Variants in MAGI2 observed in about 807,000 individuals in gnomAD.
MAGI2 encodes membrane-associated guanylate kinase, WW and PDZ domain-containing protein 2.
A neutral mutation model predicts 133.3 loss-of-function variants in MAGI2; 35 were observed. The observed-to-expected ratio is 0.26, with a 90% confidence interval of 0.20 to 0.35. The LOEUF (loss-of-function observed/expected upper bound fraction) is 0.35, where lower values mean the gene tolerates loss of function less well. Among genes scored for constraint, MAGI2 ranks in the 10% least tolerant of loss-of-function variants. The pLI, the probability that MAGI2 is intolerant of heterozygous loss-of-function variation, is 1.00. For missense variants in MAGI2, 1,636 were observed against 1,863.4 expected (o/e 0.88, Z 2.25); for synonymous variants, 729 against 710.6 (o/e 1.03, Z -0.41).
chr7:78,545,742 A>G (rs62468613), intron 3 of MAGI2, among the ~76,000 whole-genome samples: 10,256 of 152,282 alleles, frequency 0.067, 437 homozygotes, highest in Non-Finnish European at 0.1. Context: ...TTTGTGTAGA[A>G]CATATTGATA....
intron 1 of MAGI2, among the ~76,000 whole-genome samples, chr7:79,204,135 C>T (rs1049585029): frequency 2.0e-5 from 3 of 152,108 alleles, no homozygotes; most frequent in African/African-American, 7.3e-5. Context: ...TGGATACTAA[C>T]ATTGGGCCCA....
At chr7:78,410,239 TA>T (rs1249662623) in intron 6 of MAGI2, among the ~76,000 whole-genome samples, 4 of 152,216 alleles carry the variant, frequency 2.6e-5, no homozygotes, top group Non-Finnish European at 5.9e-5. Flanking sequence ...GCGAAGACTT[TA>T]CAGAATAAGC....
chr7:79,294,752 C>T (rs1446357714), intron 1 of MAGI2, among the ~76,000 whole-genome samples: 2 of 89,330 alleles, frequency 2.2e-5, no homozygotes, highest in Admixed American at 1.9e-4. Context: ...TTTTCTGAGA[C>T]GGAATCTCAC....
At position 78,850,063 on chromosome 7, in the gene MAGI2, T is replaced by C. The variant is rs1442586461; in HGVS notation, c.418+157027A>G. 2.0e-5 allele frequency among the ~76,000 whole-genome samples: 3 copies of C among 152,106 alleles called. No homozygotes were observed. The East Asian group carries it at 5.8e-4, about 29-fold the overall frequency. On this transcript the variant is annotated intron_variant, in intron 2 of 21. Transcript: ENST00000354212. ...CTTGTTTTCCCAACTATACAATAAA[T>C]TGTATAGATGCTTGTCCTACATTAA...
intron 2 of MAGI2, among the ~76,000 whole-genome samples, chr7:78,794,247 C>G (rs965646980): frequency 6.6e-6 from 1 of 152,166 alleles, no homozygotes; most frequent in Non-Finnish European, 1.5e-5. Context: ...TCCTGAGATG[C>G]GGGCTCAGCT....
At chr7:78,748,896 T>C (rs949227394) in intron 2 of MAGI2, among the ~76,000 whole-genome samples, 2 of 152,228 alleles carry the variant, frequency 1.3e-5, no homozygotes, top group Non-Finnish European at 2.9e-5. Flanking sequence ...CATATATTTC[T>C]TTAGAAAGTT....
chr7:79,415,752 T>A (rs963461960), intron 1 of MAGI2: 1 of 152,164 alleles, frequency 6.6e-6, no homozygotes, highest in Non-Finnish European at 1.5e-5. Context: ...TGGTTCTATC[T>A]ATATTATTTC....
intron 3 of MAGI2, among the ~76,000 whole-genome samples, chr7:78,546,276 G>A (rs1374180250): frequency 6.6e-6 from 1 of 152,022 alleles, no homozygotes; most frequent in African/African-American, 2.4e-5. Flanking sequence ...ACTACTTCTA[G>A]TACCTCTGCT....
intron 2 of MAGI2, among the ~76,000 whole-genome samples, chr7:78,943,907 T>C (rs1302526623): frequency 2.0e-5 from 3 of 152,216 alleles, no homozygotes; most frequent in Non-Finnish European, 4.4e-5. Context: ...AAATGTTTTT[T>C]CCTAGTATTT....
rs181526391 is a variant in MAGI2 at position 79,150,739 on chromosome 7, C to T, written c.302-143533G>A. On this transcript the variant is annotated intron_variant, in intron 1 of 21. Coordinates refer to ENST00000354212, the MANE Select transcript of MAGI2 (RefSeq NM_012301.4). Reference sequence around the variant, plus strand: ...TTCTTTTTCATCAATTCAAATATTTCAGGATGTCAAGCTTGAAATAAATTT... The same window carrying T: ...TTCTTTTTCATCAATTCAAATATTTTAGGATGTCAAGCTTGAAATAAATTT... Among the ~76,000 whole-genome samples, 947 of 151,792 alleles carry T rather than the reference C, an allele frequency of 6.2e-3. 15 individuals are homozygous for T. The highest frequency in any genetic ancestry group is 0.022 in the African/African-American group (907 of 41,384).
intron 1 of MAGI2, among the ~76,000 whole-genome samples, chr7:79,136,080 A>AGAAAGAAAGAAAGAAAGAAG (rs1821501263): frequency 6.2e-5 from 8 of 128,230 alleles, no homozygotes; most frequent in African/African-American, 2.6e-4. Flanking sequence ...AAAGAAAGAA[A>AGAAAGAAAGAAAGAAAGAAG]GAAAGAAAGA....
chr7:78,954,333 T>TC (rs1450649482), intron 2 of MAGI2, among the ~76,000 whole-genome samples: 1 of 152,120 alleles, frequency 6.6e-6, no homozygotes, highest in Non-Finnish European at 1.5e-5. Context: ...ATGTTCTTTT[T>TC]CTTTTTTTTT....
chr7:78,614,040 G>T (rs1028230716), intron 3 of MAGI2, among the ~76,000 whole-genome samples: 5 of 152,010 alleles, frequency 3.3e-5, no homozygotes, highest in Non-Finnish European at 7.4e-5. Flanking sequence ...AACCTGGGAG[G>T]CGGAGGTTGC....
chr7:78,453,103 A>G (rs1274196920), intron 6 of MAGI2, among the ~76,000 whole-genome samples: 1 of 151,992 alleles, frequency 6.6e-6, no homozygotes, highest in Non-Finnish European at 1.5e-5. Flanking sequence ...TTAGTTTTCA[A>G]TGGGTAATCT....
chr7:78,194,720 T>C (rs761858980), intron 12 of MAGI2, among the ~76,000 whole-genome samples, 154 bp downstream of exon 12: 1 of 152,170 alleles, frequency 6.6e-6, no homozygotes. Context: ...GTCAACAGGC[T>C]TTCTAAGATA....
At chr7:78,183,410 C>A (rs1827380176) in intron 13 of MAGI2, among the ~76,000 whole-genome samples, 1 of 151,660 alleles carries the variant, frequency 6.6e-6, no homozygotes, top group Non-Finnish European at 1.5e-5. Context: ...GGACTACAGG[C>A]AAGCACCACC....
At chr7:79,091,618 A>T (rs924441999) in intron 1 of MAGI2, among the ~76,000 whole-genome samples, 3 of 152,026 alleles carry the variant, frequency 2.0e-5, no homozygotes, top group Non-Finnish European at 4.4e-5. Flanking sequence ...CTTTAAAAAA[A>T]GTCTCTTAGA....
intron 6 of MAGI2, among the ~76,000 whole-genome samples, chr7:78,464,786 G>C (rs1345634701): frequency 2.7e-5 from 4 of 150,820 alleles, no homozygotes; most frequent in Non-Finnish European, 5.9e-5. Flanking sequence ...TCGTTAAGCA[G>C]GGATAGTCAG....
rs58805216 is a variant in MAGI2 at position 79,370,646 on chromosome 7, CT to C, written c.301+82373del. On this transcript the variant is annotated intron_variant, in intron 1 of 21. Coordinates refer to ENST00000354212, the MANE Select transcript of MAGI2 (RefSeq NM_012301.4). ...GCTCACTTTGGGGATTCCATTAGTT[CT>C]TTTTTTTTTATGAACTAATACAACC... Among the ~76,000 whole-genome samples the C allele has an allele frequency of 2.9e-4, 43 of 149,286 alleles. 1 individual carries two copies. In the South Asian group the frequency reaches 7.2e-3, roughly 25 times the overall value.
Sources: gnomAD v4.1 joint callset for allele counts (sites outside exome capture counted in the v4.1 genomes callset) on GRCh38, gnomAD v4.1.1 for gene constraint, MANE v1.5 for transcripts, NCBI Gene and HGNC (gene_info 2026-07-23, HGNC 2026-07-21) for gene names.